The following SLC26A7 variants were observed in gnomAD, a reference collection of about 807,000 sequenced individuals.
SLC26A7 encodes the protein solute carrier family 26 member 7, also known as anion exchange transporter.
In SLC26A7, 59 loss-of-function variants were observed where a neutral mutation model predicts 82.5. That is an observed-to-expected ratio of 0.72 (90% CI 0.58 to 0.89). The LOEUF (loss-of-function observed/expected upper bound fraction) is 0.89, where lower values mean the gene tolerates loss of function less well. SLC26A7 is among the 40% of genes least tolerant of loss of function. The pLI is 0.00. For missense variants in SLC26A7, 820 were observed against 793.0 expected (o/e 1.03, Z -0.41); for synonymous variants, 271 against 274.3 (o/e 0.99, Z 0.12).
chr8:91,311,419 T>C (rs965664881), intron 4 of SLC26A7, among the ~76,000 whole-genome samples: 1 of 151,966 alleles, frequency 6.6e-6, no homozygotes, highest in African/African-American at 2.4e-5. Flanking sequence ...AAATGATTAG[T>C]TAGATATATA....
At chr8:91,285,829 A>G (rs1246184782) in intron 2 of SLC26A7, among the ~76,000 whole-genome samples, 2 of 152,254 alleles carry the variant, frequency 1.3e-5, no homozygotes, top group African/African-American at 4.8e-5. Flanking sequence ...TGCTAGGCCA[A>G]CAAAACATAG....
rs113396883 is a variant in SLC26A7, at chr8:91,291,005, A to G, written c.304+1759A>G. 1.4e-3 allele frequency among the ~76,000 whole-genome samples: 212 copies of G among 152,278 alleles called. 2 individuals carry two copies. The highest frequency in any genetic ancestry group is 5.0e-3 in the African/African-American group (209 of 41,564). Reference sequence around the variant, plus strand: ...CTACTGAATTAGAGTCAGCACTTTCATAAGATCTCTGTTTTTATTTAATCT... The same window carrying G: ...CTACTGAATTAGAGTCAGCACTTTCGTAAGATCTCTGTTTTTATTTAATCT... On this transcript the variant is annotated intron_variant, in intron 3 of 18. Transcript: ENST00000276609.
At chr8:91,275,138 CA>C (rs1272841413) in intron 2 of SLC26A7, among the ~76,000 whole-genome samples, 1 of 152,124 alleles carries the variant, frequency 6.6e-6, no homozygotes, top group Non-Finnish European at 1.5e-5. Flanking sequence ...TCCAAAACGG[CA>C]TAGGAAAAGA....
intron 9 of SLC26A7, chr8:91,344,175 C>A (rs780233365): frequency 1.0e-6 from 1 of 985,232 alleles, no homozygotes. Context: ...AAAAACTAAA[C>A]CTTTGATGAT....
At chr8:91,376,613 G>A (rs943177254) in intron 15 of SLC26A7, among the ~76,000 whole-genome samples, 6 of 152,138 alleles carry the variant, frequency 3.9e-5, no homozygotes, top group African/African-American at 1.4e-4. Flanking sequence ...AGAGATCTCA[G>A]GTAGCTTTTC....
In SLC26A7 at chr8:91,324,033, G is replaced by A. The variant is rs545804975; in HGVS notation, c.642+5653G>A. 2.6e-5 allele frequency among the ~76,000 whole-genome samples: 4 copies of A among 152,070 alleles called. No individual in the cohort carries two copies. The South Asian group carries it at 8.3e-4, about 32-fold the overall frequency. On this transcript the variant is annotated intron_variant, in intron 5 of 18. Coordinates refer to ENST00000276609, the MANE Select transcript of SLC26A7 (RefSeq NM_052832.4). ...GTAGAGCTGGTGTCTTGCCTTATCA[G>A]CCAGGCTGGTCTTGAACTCCTGTCG...
At chr8:91,211,086 C>CTTTCAGAAA (rs1314025050) in intron 1 of SLC26A7, among the ~76,000 whole-genome samples, 32 of 151,988 alleles carry the variant, frequency 2.1e-4, no homozygotes, top group Admixed American at 3.9e-4. Flanking sequence ...AAAACAATGG[C>CTTTCAGAAA]ATACTATTTT....
chr8:91,303,902 A>G (rs1234470786), intron 4 of SLC26A7, among the ~76,000 whole-genome samples: 1 of 152,194 alleles, frequency 6.6e-6, no homozygotes, highest in East Asian at 1.9e-4. Context: ...TCTTTTGATA[A>G]TGTTTCACTG....
chr8:91,273,354 T>C (rs1323005881), intron 2 of SLC26A7, among the ~76,000 whole-genome samples: 5 of 152,130 alleles, frequency 3.3e-5, no homozygotes, highest in African/African-American at 1.2e-4. Flanking sequence ...AGATAATTAA[T>C]GGATAGTTTG....
At chr8:91,264,448 A>G (rs1054998980) in intron 2 of SLC26A7, among the ~76,000 whole-genome samples, 1 of 152,040 alleles carries the variant, frequency 6.6e-6, no homozygotes, top group Non-Finnish European at 1.5e-5. Context: ...CTTCATGGGA[A>G]CCTGCAGAAT....
chr8:91,334,345 G>A lies in SLC26A7; in HGVS notation c.693G>A (p.Leu231=). The A allele has an allele frequency of 6.2e-7, 1 of 1,613,238 alleles. No homozygotes were observed. The highest frequency in any genetic ancestry group is 8.5e-7 in the Non-Finnish European group (1 of 1,179,454). The part of the protein sequence containing the change: ...ENIKSVRLEA[L]LLSLLSIVVL... ...TCAAGTCTGTGCGACTGGAAGCATT[G>A]CTTTTATCCTTGCTGAGCATTGTGG... Residue 231 remains leucine, a synonymous_variant, in exon 6 of 19, where the codon TTG becomes TTA. Transcript: ENST00000276609.
At chr8:91,343,284 A>G in intron 8 of SLC26A7, 69 bp from the exon 9 acceptor site, 1 of 990,764 alleles carries the variant, frequency 1.0e-6, no homozygotes, top group Admixed American at 2.1e-5. Context: ...TTATGTGACA[A>G]ATTGTACCTG....
At chr8:91,356,856 G>A (rs138235480) in intron 11 of SLC26A7, among the ~76,000 whole-genome samples, 30 of 152,022 alleles carry the variant, frequency 2.0e-4, no homozygotes, top group African/African-American at 7.2e-4. Context: ...ATTTAGAATT[G>A]TAATGCATTT....
intron 4 of SLC26A7, among the ~76,000 whole-genome samples, chr8:91,311,391 G>A (rs189271921): frequency 1.6e-4 from 24 of 151,922 alleles, no homozygotes; most frequent in Non-Finnish European, 2.6e-4. Flanking sequence ...ATTCCATTCT[G>A]AGAACTCCTG....
At chr8:91,382,467 T>G (rs921421231) in intron 15 of SLC26A7, among the ~76,000 whole-genome samples, 5 of 152,234 alleles carry the variant, frequency 3.3e-5, no homozygotes, top group African/African-American at 1.2e-4. Flanking sequence ...CCAATCCAAA[T>G]TTTATACTTT....
At chr8:91,255,951 T>A (rs1359727901) in intron 2 of SLC26A7, among the ~76,000 whole-genome samples, 1 of 152,124 alleles carries the variant, frequency 6.6e-6, no homozygotes, top group Non-Finnish European at 1.5e-5. Flanking sequence ...CTATGAACCA[T>A]CCCTGCTCTT....
chr8:91,332,499 C>CACAG (rs1300101448), intron 5 of SLC26A7, among the ~76,000 whole-genome samples: 2 of 131,184 alleles, frequency 1.5e-5, no homozygotes, highest in Admixed American at 1.5e-4. Flanking sequence ...AATACACACA[C>CACAG]ACACACACAC....
Position 91,343,460 on chromosome 8 carries a change from G to GAC in SLC26A7, c.1138_1139dup (p.Gln380HisfsTer6). 1 of 1,610,236 alleles carries GAC rather than the reference G, an allele frequency of 6.2e-7. No individual in the cohort carries two copies. The highest frequency in any genetic ancestry group is 8.5e-7 in the Non-Finnish European group (1 of 1,179,070). ...CTGGCCTGTACAGCACAGGAGCGAA[G>GAC]ACACAGGTAACTGAATTGTTCCACA... is the stretch of plus-strand genomic sequence containing the variant. On this transcript the variant is annotated frameshift_variant, in exon 9 of 19. Transcript: ENST00000276609. LOFTEE classifies it high-confidence loss of function.
intron 5 of SLC26A7, among the ~76,000 whole-genome samples, chr8:91,323,818 C>CTTTTTTTTTTTT (rs3086210): frequency 1.7e-5 from 2 of 117,104 alleles, no homozygotes; most frequent in Admixed American, 8.7e-5. Flanking sequence ...TTTTTCTTAT[C>CTTTTTTTTTTTT]TTTTTTTTTT....
Sources: allele counts gnomAD v4.1 joint callset (sites outside exome capture counted in the v4.1 genomes callset), GRCh38; gene constraint gnomAD v4.1.1; transcripts MANE v1.5; gene names NCBI Gene and HGNC (gene_info 2026-07-23, HGNC 2026-07-21).